TSGA10: variants seen among roughly 807,000 people sequenced by gnomAD.
The protein encoded by TSGA10 is testis specific 10, also known as testis-specific gene 10 protein.
In TSGA10, 43 loss-of-function variants were observed where a neutral mutation model predicts 96.6. The ratio of observed to expected loss-of-function variants is 0.44; its 90% CI spans 0.35 to 0.57. The LOEUF is 0.57. Among genes scored for constraint, TSGA10 ranks in the 20% least tolerant of loss-of-function variants. TSGA10 has a pLI of 0.01. For missense variants in TSGA10, 703 were observed against 834.4 expected, an observed-to-expected ratio of 0.84 and a Z score of 1.94; for synonymous variants, 229 against 269.9, an observed-to-expected ratio of 0.85 and a Z score of 1.48.
intron 1 of TSGA10, among the ~76,000 whole-genome samples, chr2:99,142,627 T>C (rs957303910): frequency 6.6e-6 from 1 of 152,212 alleles, no homozygotes. Flanking sequence ...CCCTGTTATT[T>C]TAGATTAAGA....
At chr2:99,085,782 T>C (rs1185853237) in intron 10 of TSGA10, among the ~76,000 whole-genome samples, 2 of 151,874 alleles carry the variant, frequency 1.3e-5, no homozygotes, top group African/African-American at 4.8e-5. Context: ...ATGTTGTAAA[T>C]AGTAGAATGG....
At chr2:99,078,859 T>C in intron 11 of TSGA10, 46 bp from the exon 12 acceptor site, 1 of 1,512,578 alleles carries the variant, frequency 6.6e-7, no homozygotes, top group Non-Finnish European at 8.9e-7. Context: ...AAATAAAATC[T>C]TTTTTCTATT....
chr2:99,097,801 T>C lies in TSGA10; in HGVS notation c.611+6166A>G, dbSNP rs140951424. 3.9e-3 allele frequency among the ~76,000 whole-genome samples: 599 copies of C among 152,272 alleles called. 4 individuals are homozygous for C. The highest frequency in any genetic ancestry group is 0.014 in the African/African-American group (574 of 41,560). On this transcript the variant is annotated intron_variant, in intron 10 of 20. Transcript: ENST00000393483. Reference sequence around the variant, plus strand: ...GATTAAATTTTAAAAACTTAACATATGCTATTTGTGAAAGATGTCTAAAAC... The same window carrying C: ...GATTAAATTTTAAAAACTTAACATACGCTATTTGTGAAAGATGTCTAAAAC...
chr2:99,131,752 A>C (rs575746860), intron 1 of TSGA10, among the ~76,000 whole-genome samples: 1 of 152,236 alleles, frequency 6.6e-6, no homozygotes, highest in South Asian at 2.1e-4. Context: ...TATTGGCTAC[A>C]GGTTTCTCAT....
intron 4 of TSGA10, among the ~76,000 whole-genome samples, chr2:99,115,883 A>G (rs1227834657): frequency 6.6e-6 from 1 of 152,162 alleles, no homozygotes; most frequent in Non-Finnish European, 1.5e-5. Flanking sequence ...TGTCTCAACA[A>G]CAACAAAAAA....
In TSGA10 at chr2:99,104,022, C is replaced by A; in HGVS notation, c.556G>T (p.Ala186Ser). 1.2e-6 allele frequency: 2 copies of A among 1,614,014 alleles called. No homozygotes were observed. The highest frequency in any genetic ancestry group is 1.7e-6 in the Non-Finnish European group (2 of 1,179,974). Residue 186 changes from alanine (A) to serine (S), a missense_variant, in exon 10 of 21, where the codon GCA becomes TCA. This residue lies in a region of TSGA10 where 585 missense variants were observed against 656.8 expected (regional missense o/e 0.89). Transcript: ENST00000393483. The part of the protein sequence containing the change: ...EKEMKSLARK[A>S]MDTESELGRQ... ...CCAAGTTCACTTTCGGTATCCATTGCCTTTCTTGCTAGTGATTTCATTTCT... is the reference window on the plus strand; with the variant it reads ...CCAAGTTCACTTTCGGTATCCATTGACTTTCTTGCTAGTGATTTCATTTCT...
intron 10 of TSGA10, among the ~76,000 whole-genome samples, chr2:99,100,411 C>T (rs2090550874): frequency 6.6e-6 from 1 of 152,130 alleles, no homozygotes; most frequent in African/African-American, 2.4e-5. Context: ...AACATCTCTG[C>T]AGAGCAGTGA....
intron 20 of TSGA10, 131 bp downstream of exon 20, chr2:99,018,069 A>C (rs2079685160): frequency 1.3e-6 from 1 of 762,850 alleles, no homozygotes; most frequent in Admixed American, 3.4e-5. Flanking sequence ...TTTTATATCA[A>C]TATATCTTGG....
intron 10 of TSGA10, among the ~76,000 whole-genome samples, chr2:99,090,305 C>T (rs2089159167): frequency 6.6e-6 from 1 of 152,084 alleles, no homozygotes; most frequent in Admixed American, 6.5e-5. Flanking sequence ...CATAGCCTAC[C>T]CAAATGAGAA....
intron 1 of TSGA10, chr2:99,147,214 T>C (rs1363162731): frequency 9.2e-6 from 4 of 432,532 alleles, no homozygotes; most frequent in African/African-American, 2.0e-5. Flanking sequence ...TTGCCCAGGC[T>C]GGTCTCAAAC....
chr2:99,020,950 A>C (rs964397941), intron 17 of TSGA10, among the ~76,000 whole-genome samples: 33 of 148,964 alleles, frequency 2.2e-4, no homozygotes, highest in African/African-American at 7.6e-4. Context: ...AATTATATTT[A>C]ATAATGTAAT....
chr2:99,097,406 G>GT (rs1328336971), intron 10 of TSGA10, among the ~76,000 whole-genome samples: 3 of 152,074 alleles, frequency 2.0e-5, no homozygotes, highest in Non-Finnish European at 2.9e-5. Context: ...GCAAACAACA[G>GT]TAAGTGTTTT....
chr2:99,150,787 G>C (rs1452509862), intron 1 of TSGA10: 2 of 1,605,970 alleles, frequency 1.2e-6, no homozygotes, highest in African/African-American at 1.4e-5. Context: ...GGGTTCAGTG[G>C]TATATGTCAA....
intron 16 of TSGA10, among the ~76,000 whole-genome samples, chr2:99,045,726 C>T (rs2082698777): frequency 6.6e-6 from 1 of 152,182 alleles, no homozygotes; most frequent in Non-Finnish European, 1.5e-5. Context: ...CAAATTCACA[C>T]ATGACAATAT....
chr2:99,065,236 A>C, intron 15 of TSGA10, 112 bp from the exon 16 acceptor site: 1 of 1,145,396 alleles, frequency 8.7e-7, no homozygotes. Context: ...TTTATAATAG[A>C]ACCCTGAGGA....
chr2:99,150,543 T>C (rs146451233), intron 1 of TSGA10: 1 of 1,608,800 alleles, frequency 6.2e-7, no homozygotes, highest in Admixed American at 1.7e-5. Context: ...ACTTTCACAT[T>C]TGTTCAGCTA....
chr2:99,152,323 G>A (rs973379567), intron 1 of TSGA10, among the ~76,000 whole-genome samples: 1 of 152,172 alleles, frequency 6.6e-6, no homozygotes, highest in Non-Finnish European at 1.5e-5. Context: ...GTCTCACTCT[G>A]TTGCCCAGGC....
At chr2:99,097,266 T>C (rs2090161182) in intron 10 of TSGA10, among the ~76,000 whole-genome samples, 1 of 152,040 alleles carries the variant, frequency 6.6e-6, no homozygotes, top group Non-Finnish European at 1.5e-5. Context: ...GACAAAATTC[T>C]AAAATAAATT....
At chr2:99,123,437 C>T (rs979733023) in intron 2 of TSGA10, among the ~76,000 whole-genome samples, 2 of 152,040 alleles carry the variant, frequency 1.3e-5, no homozygotes, top group Admixed American at 6.6e-5. Context: ...TTTCTAGTCT[C>T]GTGTTCACTG....
Sources: gnomAD v4.1 joint callset for allele counts (sites outside exome capture counted in the v4.1 genomes callset) on GRCh38, gnomAD v4.1.1 for gene constraint, gnomAD v4.1.1 regional missense constraint, MANE v1.5 for transcripts, NCBI Gene and HGNC (gene_info 2026-07-23, HGNC 2026-07-21) for gene names.